Variants in DAAM1 observed in about 807,000 individuals in gnomAD.
DAAM1 encodes the protein dishevelled associated activator of morphogenesis 1, also known as disheveled-associated activator of morphogenesis 1.
In DAAM1, 52 loss-of-function variants were observed where a neutral mutation model predicts 130.0. That is an observed-to-expected ratio of 0.40 (90% CI 0.32 to 0.50). DAAM1 has a LOEUF of 0.50. Among genes scored for constraint, DAAM1 ranks in the 20% least tolerant of loss-of-function variants. The pLI, the probability that DAAM1 is intolerant of heterozygous loss-of-function variation, is 0.61. For synonymous variants in DAAM1, 452 were observed against 444.5 expected (o/e 1.02, Z -0.21); for missense variants, 1,134 against 1,303.8 (o/e 0.87, Z 2.01).
At chr14:59,349,693 G>A (rs1292512990) in intron 17 of DAAM1, among the ~76,000 whole-genome samples, 3 of 152,146 alleles carry the variant, frequency 2.0e-5, no homozygotes, top group Non-Finnish European at 4.4e-5. Context: ...AGAGCTATAC[G>A]CTCTTCTTCC....
chr14:59,267,500 AC>A lies in DAAM1; in HGVS notation c.183+3841del, dbSNP rs1217324345. On this transcript the variant is annotated intron_variant, in intron 2 of 24. Coordinates refer to ENST00000360909, the MANE Select transcript of DAAM1 (RefSeq NM_001270520.2). ...CATCCTGCTTAACTTAAAAAAAAAA[AC>A]AAAAAACAAAAACAGCTTTATTGAG... is the stretch of plus-strand genomic sequence containing the variant. 3.5e-3 allele frequency among the ~76,000 whole-genome samples: 536 copies of A among 152,170 alleles called. 4 individuals are homozygous for A. Among genetic ancestry groups the A allele is most frequent in the African/African-American group, 0.012 (492 of 41,518 alleles).
chr14:59,198,200 TTTC>T (rs1887969487), intron 1 of DAAM1, among the ~76,000 whole-genome samples: 1 of 147,880 alleles, frequency 6.8e-6, no homozygotes, highest in Non-Finnish European at 1.5e-5. Flanking sequence ...TTTCTTTTCT[TTTC>T]TTTCTTTTTT....
intron 1 of DAAM1, among the ~76,000 whole-genome samples, chr14:59,209,941 AC>A (rs1888376615): frequency 6.6e-6 from 1 of 151,336 alleles, no homozygotes; most frequent in Non-Finnish European, 1.5e-5. Flanking sequence ...ACATAGGGAG[AC>A]CCCCATCTCT....
chr14:59,218,766 C>T (rs1451522766), intron 1 of DAAM1, among the ~76,000 whole-genome samples: 1 of 152,108 alleles, frequency 6.6e-6, no homozygotes, highest in African/African-American at 2.4e-5. Flanking sequence ...GTTTCTGATT[C>T]TTTGGAGATA....
intron 2 of DAAM1, among the ~76,000 whole-genome samples, chr14:59,289,005 C>T (rs1232098945): frequency 6.6e-6 from 1 of 152,134 alleles, no homozygotes; most frequent in Non-Finnish European, 1.5e-5. Flanking sequence ...CAACCTCCAC[C>T]TCCAGGTTCA....
In DAAM1 at chr14:59,369,699, A is replaced by T. The variant is rs1279800302; in HGVS notation, c.*840A>T. On this transcript the variant is annotated 3_prime_UTR_variant, in exon 25 of 25. Transcript: ENST00000360909. The stretch of plus-strand genomic sequence containing the variant: ...TAGATATATAAACCTTAAAAATAAT[A>T]AAATATCTCACCCAAGACTTAAAGG... The T allele has an allele frequency of 4.6e-5, 7 of 151,266 alleles. No homozygotes were observed. Among genetic ancestry groups the T allele is most frequent in the Non-Finnish European group, 1.5e-5 (1 of 67,792 alleles). The allele number at this position is 151,266 out of a possible 1,614,324, so 9.4% of individuals were successfully genotyped here.
chr14:59,207,931 A>G (rs185689264), intron 1 of DAAM1, among the ~76,000 whole-genome samples: 55 of 152,332 alleles, frequency 3.6e-4, no homozygotes, highest in Admixed American at 5.9e-4. Flanking sequence ...CCATTCTGAA[A>G]CTATTAAGTC....
At chr14:59,307,903 A>G (rs1884433360) in intron 3 of DAAM1, among the ~76,000 whole-genome samples, 1 of 152,152 alleles carries the variant, frequency 6.6e-6, no homozygotes, top group Non-Finnish European at 1.5e-5. Flanking sequence ...TATGTTTTAG[A>G]TGTGAAGCAT....
chr14:59,368,988 CGTGTGTATGTAAATGTAT>C lies in DAAM1; in HGVS notation c.*138_*155del, dbSNP rs1887034931. On this transcript the variant is annotated 3_prime_UTR_variant, in exon 25 of 25. Coordinates refer to ENST00000360909, the MANE Select transcript of DAAM1 (RefSeq NM_001270520.2). ...CTTCATCTGTGAGTGAATGTGTGAA[CGTGTGTATGTAAATGTAT>C]GTGTGTATATATTAAAAAATGTATA... 1 of 744,616 alleles carries C rather than the reference CGTGTGTATGTAAATGTAT, an allele frequency of 1.3e-6. No individual in the cohort carries two copies. Among genetic ancestry groups the C allele is most frequent in the African/African-American group, 1.8e-5 (1 of 56,370 alleles). The allele number at this position is 744,616 out of a possible 1,614,324, so 46.1% of individuals were successfully genotyped here. A position where few individuals can be genotyped will look rare whatever the true frequency, so the allele number is the denominator to read the frequency against.
In DAAM1 at chr14:59,324,028, T is replaced by C. The variant is rs1018275304; in HGVS notation, c.775-100T>C. On this transcript the variant is annotated intron_variant, in intron 6 of 24. Coordinates refer to ENST00000360909, the MANE Select transcript of DAAM1 (RefSeq NM_001270520.2). ...GCCTGGGCAACAGAGCAAGACTCCG[T>C]CTGAAAAAAAAAAAAAGTTAACTTT... 7 of 770,734 alleles carry C rather than the reference T, an allele frequency of 9.1e-6. No individual in the cohort carries two copies. The African/African-American group carries it at 1.1e-4, about 12-fold the overall frequency. 47.7% of individuals were successfully genotyped at this position (770,734 alleles called of 1,614,324 possible). A position where few individuals can be genotyped will look rare whatever the true frequency, so the allele number is the denominator to read the frequency against.
rs758073917 is a variant in DAAM1, at chr14:59,323,156, G to A, written c.705G>A (p.Gly235=). The part of the protein sequence containing the change: ...EILGAVCLVP[G]GHKKVLQAML... Reference sequence around the variant, plus strand: ...TGGGCGCCGTGTGCCTGGTTCCCGGGGGCCACAAGAAGGTTCTGCAGGCCA... The same window carrying A: ...TGGGCGCCGTGTGCCTGGTTCCCGGAGGCCACAAGAAGGTTCTGCAGGCCA... The change falls in exon 6 of 25, where the codon GGG becomes GGA. Residue 235 remains glycine, a synonymous_variant. Coordinates refer to ENST00000360909, the MANE Select transcript of DAAM1 (RefSeq NM_001270520.2). 1.2e-6 allele frequency: 2 copies of A among 1,613,740 alleles called. No homozygotes were observed. Among genetic ancestry groups the A allele is most frequent in the Non-Finnish European group, 1.7e-6 (2 of 1,179,876 alleles).
At chr14:59,325,849 AT>A in intron 9 of DAAM1, 110 bp from the exon 10 acceptor site, 1 of 1,517,684 alleles carries the variant, frequency 6.6e-7, no homozygotes, top group South Asian at 1.1e-5. Context: ...TCAAAGCTCT[AT>A]TTTGTTTCCT....
chr14:59,353,392 G>A (rs1886361203), intron 18 of DAAM1, among the ~76,000 whole-genome samples: 3 of 152,236 alleles, frequency 2.0e-5, no homozygotes, highest in Admixed American at 2.0e-4. Flanking sequence ...GACAATGTGG[G>A]AAGCGGATGT....
At chr14:59,288,535 C>T (rs928976696) in intron 2 of DAAM1, among the ~76,000 whole-genome samples, 1 of 152,026 alleles carries the variant, frequency 6.6e-6, no homozygotes, top group Non-Finnish European at 1.5e-5. Flanking sequence ...GTCTAATATC[C>T]AGAATCTACA....
intron 1 of DAAM1, among the ~76,000 whole-genome samples, chr14:59,252,804 C>G (rs1051754070): frequency 1.3e-5 from 2 of 152,182 alleles, no homozygotes; most frequent in Non-Finnish European, 2.9e-5. Flanking sequence ...CTTCAGGGTG[C>G]TAGATGGTAT....
In DAAM1 at chr14:59,192,149, GGTGTGTGTGTGTGT is replaced by G. The variant is rs55791691; in HGVS notation, c.-38+3413_-38+3426del. Among the ~76,000 whole-genome samples, 56 of 138,650 alleles carry G rather than the reference GGTGTGTGTGTGTGT, an allele frequency of 4.0e-4. 1 individual carries two copies. The South Asian group carries it at 4.4e-3, about 11-fold the overall frequency. The allele number at this position is 138,650 out of a possible 152,430, so 91.0% of individuals were successfully genotyped here. A position where few individuals can be genotyped will look rare whatever the true frequency, so the allele number is the denominator to read the frequency against. ...TGTGGACATGTTCTGCTTGTTAAGGGGTGTGTGTGTGTGTGTGTGTGTGTGTGTGTGTGTGTGTG... is the reference window on the plus strand; with the variant it reads ...TGTGGACATGTTCTGCTTGTTAAGGGGTGTGTGTGTGTGTGTGTGTGTGTG... On this transcript the variant is annotated intron_variant, in intron 1 of 24. Coordinates refer to ENST00000360909, the MANE Select transcript of DAAM1 (RefSeq NM_001270520.2).
chr14:59,360,305 A>C (rs564381091), intron 21 of DAAM1, among the ~76,000 whole-genome samples: 1 of 152,250 alleles, frequency 6.6e-6, no homozygotes, highest in Non-Finnish European at 1.5e-5. Context: ...AGTTAATACA[A>C]CTTTAAGAAA....
intron 2 of DAAM1, chr14:59,264,555 C>T (rs550738500): frequency 7.9e-5 from 12 of 152,104 alleles, no homozygotes; most frequent in Admixed American, 5.9e-4. Flanking sequence ...CAGTGCCTGG[C>T]CTTTAAACAT....
chr14:59,346,502 C>T (rs1025617057), intron 16 of DAAM1, among the ~76,000 whole-genome samples: 2 of 152,126 alleles, frequency 1.3e-5, no homozygotes, highest in Admixed American at 6.5e-5. Context: ...CATGGTGACT[C>T]ATGCCTGTAA....
Sources: gnomAD v4.1 joint callset for allele counts (sites outside exome capture counted in the v4.1 genomes callset) on GRCh38, gnomAD v4.1.1 for gene constraint, MANE v1.5 for transcripts, NCBI Gene and HGNC (gene_info 2026-07-23, HGNC 2026-07-21) for gene names.